The following TAMM41 variants were observed in gnomAD, a reference collection of about 807,000 sequenced individuals.
TAMM41 encodes phosphatidate cytidylyltransferase, mitochondrial.
Under a neutral mutation model 44.1 loss-of-function variants are expected in TAMM41, and 36 were observed. The observed-to-expected ratio is 0.82, with a 90% confidence interval of 0.63 to 1.08. TAMM41 has a LOEUF of 1.08. Among genes scored for constraint, TAMM41 ranks in the 50% least tolerant of loss-of-function variants. The pLI, the probability that TAMM41 is intolerant of heterozygous loss-of-function variation, is 0.00. For missense variants in TAMM41, 417 were observed against 404.3 expected, an observed-to-expected ratio of 1.03 and a Z score of -0.27; for synonymous variants, 164 against 153.1, an observed-to-expected ratio of 1.07 and a Z score of -0.53.
chr3:11,778,697 G>A, the TAMM41 span, among the ~76,000 whole-genome samples: 1 of 152,028 alleles, frequency 6.6e-6, no homozygotes, highest in South Asian at 2.1e-4. Flanking sequence ...TTCCTAGTGG[G>A]TGTGAGGTGG....
the TAMM41 span, among the ~76,000 whole-genome samples, chr3:11,722,993 C>T: frequency 3.9e-5 from 6 of 151,958 alleles, no homozygotes; most frequent in Non-Finnish European, 8.8e-5. Context: ...GATGGTGGCT[C>T]ACACCTGTAG....
chr3:11,824,807 C>T lies in TAMM41; in HGVS notation c.562+4907G>A, dbSNP rs73134823. Among the ~76,000 whole-genome samples the T allele has an allele frequency of 5.0e-3, 757 of 152,270 alleles. 4 individuals are homozygous for T. The highest frequency in any genetic ancestry group is 0.034 in the Middle Eastern group (10 of 294). On this transcript the variant is annotated intron_variant, in intron 4 of 7. Transcript: ENST00000455809. ...CACATCCTCAGTGGTGGAACAAAGACCAAAGATCAGCCAGCCAACCAACAA... is the reference window on the plus strand; with the variant it reads ...CACATCCTCAGTGGTGGAACAAAGATCAAAGATCAGCCAGCCAACCAACAA...
In TAMM41 at chr3:11,808,518, C is replaced by T. The variant is rs80142974; in HGVS notation, c.875-623G>A. 3.5e-3 allele frequency: 3,483 copies of T among 985,604 alleles called. 92 individuals are homozygous for T. In the African/African-American group the frequency reaches 0.055, roughly 15 times the overall value. 61.1% of individuals were successfully genotyped at this position (985,604 alleles called of 1,614,324 possible). A position where few individuals can be genotyped will look rare whatever the true frequency, so the allele number is the denominator to read the frequency against. On this transcript the variant is annotated intron_variant, in intron 6 of 7. Transcript: ENST00000455809. ...CTGCTGCAGCTCATCCACTGCAGTGCGATGGTCTTTGCAAAGCATTACTGG... is the reference window on the plus strand; with the variant it reads ...CTGCTGCAGCTCATCCACTGCAGTGTGATGGTCTTTGCAAAGCATTACTGG...
At position 11,829,677 on chromosome 3, in the gene TAMM41, C is replaced by A. The variant is rs1559311223; in HGVS notation, c.562+37G>T. The A allele has an allele frequency of 2.5e-6, 4 of 1,609,644 alleles. No individual in the cohort carries two copies. In the African/African-American group the frequency reaches 4.0e-5, roughly 16 times the overall value. Reference sequence around the variant, plus strand: ...ATCCGCAGTCTTCAAATATAAATCTCTCCCTTGTAGAACATCTGGGCAGCA... The same window carrying A: ...ATCCGCAGTCTTCAAATATAAATCTATCCCTTGTAGAACATCTGGGCAGCA... On this transcript the variant is annotated intron_variant, in intron 4 of 7. Transcript: ENST00000455809.
At chr3:11,834,953 G>A (rs1229128190) in intron 3 of TAMM41, among the ~76,000 whole-genome samples, 1 of 152,170 alleles carries the variant, frequency 6.6e-6, no homozygotes, top group African/African-American at 2.4e-5. Context: ...CTCCCAAAGT[G>A]CTAGGATTAT....
chr3:11,770,676 C>T, the TAMM41 span, among the ~76,000 whole-genome samples: 55,236 of 151,846 alleles, frequency 0.36, 10,913 homozygotes, highest in African/African-American at 0.52. Flanking sequence ...CAGCTGAGAC[C>T]GGCTGAGCCA....
the TAMM41 span, among the ~76,000 whole-genome samples, chr3:11,759,988 A>G: frequency 0.36 from 54,508 of 151,830 alleles, 9,867 homozygotes; most frequent in South Asian, 0.45. Context: ...AAAAAAGAAA[A>G]AAGAAGAAGA....
At chr3:11,746,613 G>A in the TAMM41 span, among the ~76,000 whole-genome samples, 2 of 150,626 alleles carry the variant, frequency 1.3e-5, no homozygotes, top group Non-Finnish European at 3.0e-5. Flanking sequence ...TATATCAGAG[G>A]CTATATATTC....
chr3:11,793,374 G>A lies in TAMM41; in HGVS notation c.938-2793C>T, dbSNP rs549801580. 2.0e-5 allele frequency among the ~76,000 whole-genome samples: 3 copies of A among 152,184 alleles called. No homozygotes were observed. In the South Asian group the frequency reaches 6.2e-4, roughly 31 times the overall value. On this transcript the variant is annotated intron_variant, in intron 7 of 7. Coordinates refer to ENST00000455809, the MANE Select transcript of TAMM41 (RefSeq NM_001284401.2). ...AAAAAGACCTAAACAGGCATTCAGG[G>A]AGGTGCTGCAACAGAAGCTCTGCTA... is the stretch of plus-strand genomic sequence containing the variant.
chr3:11,807,143 G>C (rs2077933687), intron 7 of TAMM41: 1 of 982,192 alleles, frequency 1.0e-6, no homozygotes, highest in South Asian at 4.7e-5. Context: ...ACAGTAAATG[G>C]GGGACCCCCT....
chr3:11,726,590 T>C, the TAMM41 span, among the ~76,000 whole-genome samples: 2 of 151,868 alleles, frequency 1.3e-5, no homozygotes, highest in Non-Finnish European at 2.9e-5. Flanking sequence ...TCACTTGAGG[T>C]CAGGAGTTTG....
chr3:11,758,635 G>A, the TAMM41 span, among the ~76,000 whole-genome samples: 1 of 152,180 alleles, frequency 6.6e-6, no homozygotes, highest in Non-Finnish European at 1.5e-5. Context: ...ACCGGCGTGA[G>A]CCACTGCACC....
At chr3:11,774,413 A>G in the TAMM41 span, among the ~76,000 whole-genome samples, 1 of 152,192 alleles carries the variant, frequency 6.6e-6, no homozygotes, top group Non-Finnish European at 1.5e-5. Context: ...CAATAAGAGC[A>G]GTGACTGAGT....
intron 3 of TAMM41, among the ~76,000 whole-genome samples, chr3:11,836,032 T>A (rs2079159374): frequency 1.4e-5 from 2 of 146,640 alleles, no homozygotes; most frequent in African/African-American, 5.0e-5. Context: ...CTGCGTCACC[T>A]AGGCTGGAGT....
At chr3:11,734,878 CAAAAAA>C in the TAMM41 span, among the ~76,000 whole-genome samples, 35 of 73,278 alleles carry the variant, frequency 4.8e-4, no homozygotes, top group African/African-American at 1.6e-3. Flanking sequence ...TACTAAAATA[CAAAAAA>C]AAAAAAAAAA....
Position 11,844,223 on chromosome 3 carries a change from A to C in TAMM41, c.136-12T>G. On this transcript the variant is annotated splice_polypyrimidine_tract_variant and intron_variant, in intron 1 of 7. Coordinates refer to ENST00000455809, the MANE Select transcript of TAMM41 (RefSeq NM_001284401.2). ...TCCAGCATAGCATTCTGTGGAGTGA[A>C]GAAAAGAGAATAATTTCAGTATTAA... 1 of 1,609,656 alleles carries C rather than the reference A, an allele frequency of 6.2e-7. No homozygotes were observed. Among genetic ancestry groups the C allele is most frequent in the South Asian group, 1.1e-5 (1 of 90,284 alleles).
chr3:11,755,136 T>G, the TAMM41 span, among the ~76,000 whole-genome samples: 1 of 150,876 alleles, frequency 6.6e-6, no homozygotes, highest in African/African-American at 2.5e-5. Context: ...CCCCTCATCC[T>G]GCTCTTCCTG....
At chr3:11,819,762 A>C (rs1259147928) in intron 4 of TAMM41, among the ~76,000 whole-genome samples, 1 of 152,146 alleles carries the variant, frequency 6.6e-6, no homozygotes, top group Non-Finnish European at 1.5e-5. Flanking sequence ...ACCAAAACAA[A>C]AAAAACTTCA....
the TAMM41 span, among the ~76,000 whole-genome samples, chr3:11,751,982 G>A: frequency 1.2e-4 from 19 of 152,114 alleles, no homozygotes; most frequent in Admixed American, 2.6e-4. Context: ...ACCCTCTCCT[G>A]GTCCACTGTG....
Sources: allele counts gnomAD v4.1 joint callset (sites outside exome capture counted in the v4.1 genomes callset), GRCh38; gene constraint gnomAD v4.1.1; transcripts MANE v1.5; gene names NCBI Gene and HGNC (gene_info 2026-07-23, HGNC 2026-07-21).